The following RAPGEF2 variants were observed in gnomAD, a reference collection of about 807,000 sequenced individuals.
RAPGEF2 encodes PDZ domain containing guanine nucleotide exchange factor (GEF) 1.
RAPGEF2 carries 54 observed loss-of-function variants against 186.7 expected under a neutral mutation model. The ratio of observed to expected loss-of-function variants is 0.29; its 90% CI spans 0.23 to 0.36. The LOEUF (loss-of-function observed/expected upper bound fraction) is 0.36, where lower values mean the gene tolerates loss of function less well. Ranked by LOEUF, RAPGEF2 falls within the 10% of genes least tolerant of loss-of-function variation. RAPGEF2 has a pLI of 1.00. For missense variants in RAPGEF2, 1,532 were observed against 2,045.0 expected (o/e 0.75, Z 4.84); for synonymous variants, 712 against 705.9 (o/e 1.01, Z -0.14).
chr4:159,345,473 C>A, intron 24 of RAPGEF2, 144 bp downstream of exon 24: 1 of 719,914 alleles, frequency 1.4e-6, no homozygotes, highest in Non-Finnish European at 2.3e-6. Context: ...TCCTTGAATG[C>A]TAATATTTAA....
intron 7 of RAPGEF2, among the ~76,000 whole-genome samples, chr4:159,250,235 T>C (rs1281703327): frequency 6.6e-6 from 1 of 152,124 alleles, no homozygotes; most frequent in Non-Finnish European, 1.5e-5. Context: ...GCTCGGGAGA[T>C]GGGTGCACCA....
At chr4:159,124,489 A>G (rs531852709) in intron 1 of RAPGEF2, among the ~76,000 whole-genome samples, 1 of 152,262 alleles carries the variant, frequency 6.6e-6, no homozygotes, top group South Asian at 2.1e-4. Flanking sequence ...CAGTGAGCCA[A>G]GAGCACACCA....
chr4:159,328,645 C>T (rs1441616245), intron 11 of RAPGEF2: 1 of 152,138 alleles, frequency 6.6e-6, no homozygotes, highest in East Asian at 1.9e-4. Context: ...ATAATATTAA[C>T]AGTTTATTTC....
At chr4:159,133,862 C>T (rs564009046) in intron 1 of RAPGEF2, among the ~76,000 whole-genome samples, 83 of 152,164 alleles carry the variant, frequency 5.5e-4, no homozygotes, top group Non-Finnish European at 8.5e-4. Flanking sequence ...GGATTACAGG[C>T]GTGAGCCACC....
At position 159,304,493 on chromosome 4, in the gene RAPGEF2, G is replaced by T; in HGVS notation, c.675+20G>T. On this transcript the variant is annotated intron_variant, in intron 8 of 29. Transcript: ENST00000691494. ...TACCAGGTAAGAGGATGTTTTCCTTGTCATTTGCTTCATTTTCATTTATTC... is the reference window on the plus strand; with the variant it reads ...TACCAGGTAAGAGGATGTTTTCCTTTTCATTTGCTTCATTTTCATTTATTC... 1 of 1,580,764 alleles carries T rather than the reference G, an allele frequency of 6.3e-7. No homozygotes were observed. The highest frequency in any genetic ancestry group is 1.1e-5 in the South Asian group (1 of 87,390).
intron 26 of RAPGEF2, among the ~76,000 whole-genome samples, chr4:159,351,828 G>A (rs1731217691): frequency 6.6e-6 from 1 of 152,118 alleles, no homozygotes; most frequent in Admixed American, 6.5e-5. Flanking sequence ...GCACATGCCT[G>A]TAATCCCAGC....
chr4:159,251,696 G>T (rs1042706128), intron 7 of RAPGEF2, among the ~76,000 whole-genome samples: 3 of 152,110 alleles, frequency 2.0e-5, no homozygotes, highest in African/African-American at 7.2e-5. Flanking sequence ...AGCACTCTGT[G>T]TCTAGCTCAG....
chr4:159,185,027 A>G (rs766771244), intron 1 of RAPGEF2, among the ~76,000 whole-genome samples: 13 of 152,158 alleles, frequency 8.5e-5, no homozygotes, highest in African/African-American at 2.7e-4. Flanking sequence ...AAGGATTTGA[A>G]TAGACACTTA....
chr4:159,299,008 A>C (rs1762344797), intron 7 of RAPGEF2, among the ~76,000 whole-genome samples: 1 of 152,204 alleles, frequency 6.6e-6, no homozygotes, highest in Admixed American at 6.5e-5. Context: ...TCAGAGAAAA[A>C]TAGAAAATAT....
intron 1 of RAPGEF2, among the ~76,000 whole-genome samples, chr4:159,147,645 G>T (rs1204558950): frequency 6.6e-6 from 1 of 152,226 alleles, no homozygotes; most frequent in Admixed American, 6.5e-5. Flanking sequence ...AGATGTCAGT[G>T]ATGAAAGCTG....
rs770604725 is a variant in RAPGEF2, at chr4:159,345,306, A to G, written c.3479A>G (p.Gln1160Arg). The G allele has an allele frequency of 6.2e-7, 1 of 1,614,036 alleles. No individual in the cohort carries two copies. The highest frequency in any genetic ancestry group is 1.3e-5 in the African/African-American group (1 of 74,936). The change falls in exon 24 of 30, where the codon CAG becomes CGG. Residue 1160 changes from glutamine to arginine, a missense_variant. By Grantham distance (43) the Gln-to-Arg change is conservative. Around this residue, in one of 4 missense-constraint regions of RAPGEF2, gnomAD observed 117 missense variants for 180.8 expected, o/e 0.65. Transcript: ENST00000691494. ...GAGAGTCTTCAGACATTATCTCTGCAGTGTGAGCCAGCAACCAACACATGT... is the reference window on the plus strand; with the variant it reads ...GAGAGTCTTCAGACATTATCTCTGCGGTGTGAGCCAGCAACCAACACATGT... Reference protein sequence around the residue: ...DEESLQTLSLQCEPATNTLPK... With the variant: ...DEESLQTLSLRCEPATNTLPK...
intron 1 of RAPGEF2, among the ~76,000 whole-genome samples, chr4:159,133,449 G>A (rs1032674497): frequency 8.3e-5 from 12 of 144,468 alleles, no homozygotes; most frequent in African/African-American, 3.1e-4. Flanking sequence ...TTTTGCTCTT[G>A]TTCCCAGGCT....
At chr4:159,349,298 G>A (rs1164720156) in intron 25 of RAPGEF2, among the ~76,000 whole-genome samples, 1 of 152,170 alleles carries the variant, frequency 6.6e-6, no homozygotes, top group Non-Finnish European at 1.5e-5. Context: ...GTTTCAGGCT[G>A]TAGTGCCTTC....
intron 1 of RAPGEF2, among the ~76,000 whole-genome samples, chr4:159,112,278 T>C (rs1041392620): frequency 1.3e-5 from 2 of 152,170 alleles, no homozygotes; most frequent in African/African-American, 4.8e-5. Flanking sequence ...TCTGTGATAA[T>C]GCGTATAAAT....
intron 12 of RAPGEF2, 138 bp downstream of exon 12, chr4:159,330,148 C>G: frequency 1.1e-6 from 1 of 901,302 alleles, no homozygotes; most frequent in Non-Finnish European, 1.7e-6. Context: ...TGTATGATCT[C>G]CTAGTGAATA....
intron 1 of RAPGEF2, among the ~76,000 whole-genome samples, chr4:159,148,862 C>T (rs1743222417): frequency 6.6e-6 from 1 of 152,122 alleles, no homozygotes; most frequent in Admixed American, 6.5e-5. Context: ...AGTCTATTTT[C>T]TTAAATTTTG....
At chr4:159,118,114 C>A (rs1739250776) in intron 1 of RAPGEF2, among the ~76,000 whole-genome samples, 1 of 152,178 alleles carries the variant, frequency 6.6e-6, no homozygotes, top group Non-Finnish European at 1.5e-5. Flanking sequence ...TGTTAGGAAC[C>A]AGGCCATACA....
chr4:159,298,649 A>G (rs1192009270), intron 7 of RAPGEF2, among the ~76,000 whole-genome samples: 2 of 152,226 alleles, frequency 1.3e-5, no homozygotes, highest in Non-Finnish European at 1.5e-5. Flanking sequence ...AGAAAGAGAA[A>G]CAATATGAAT....
intron 1 of RAPGEF2, among the ~76,000 whole-genome samples, chr4:159,122,731 G>T (rs1266049450): frequency 6.6e-6 from 1 of 152,168 alleles, no homozygotes; most frequent in Non-Finnish European, 1.5e-5. Context: ...TGCAGTAAAA[G>T]TGATCTTTTG....
Sources: gnomAD v4.1 joint callset for allele counts (sites outside exome capture counted in the v4.1 genomes callset) on GRCh38, gnomAD v4.1.1 for gene constraint, gnomAD v4.1.1 regional missense constraint, MANE v1.5 for transcripts, NCBI Gene and HGNC (gene_info 2026-07-23, HGNC 2026-07-21) for gene names.